The following KIRREL1 variants were observed in gnomAD, a reference collection of about 807,000 sequenced individuals.
KIRREL1 encodes kirre like nephrin family adhesion molecule 1.
KIRREL1 carries 25 observed loss-of-function variants against 83.3 expected under a neutral mutation model. The observed-to-expected ratio is 0.30, with a 90% confidence interval of 0.22 to 0.42. The LOEUF (loss-of-function observed/expected upper bound fraction) is 0.42, where lower values mean the gene tolerates loss of function less well. Among genes scored for constraint, KIRREL1 ranks in the 10% least tolerant of loss-of-function variants. The pLI is 1.00. For missense variants in KIRREL1, 812 were observed against 1,032.3 expected, an observed-to-expected ratio of 0.79 and a Z score of 2.92; for synonymous variants, 388 against 410.4, an observed-to-expected ratio of 0.95 and a Z score of 0.66.
intron 1 of KIRREL1, among the ~76,000 whole-genome samples, chr1:158,053,208 A>G (rs1660954726): frequency 6.6e-6 from 1 of 152,238 alleles, no homozygotes; most frequent in South Asian, 2.1e-4. Context: ...CCTTGAGAGC[A>G]GGAGGCATGT....
chr1:158,088,711 C>T (rs1570997797), intron 8 of KIRREL1, among the ~76,000 whole-genome samples: 1 of 151,930 alleles, frequency 6.6e-6, no homozygotes, highest in East Asian at 1.9e-4. Flanking sequence ...GTCTCGATCT[C>T]CTGACCTCGT....
chr1:158,044,639 C>T (rs55712095), intron 1 of KIRREL1, among the ~76,000 whole-genome samples: 6,763 of 152,194 alleles, frequency 0.044, 209 homozygotes, highest in Non-Finnish European at 0.07. Context: ...AATAGGATTA[C>T]AGGCATGCGC....
At chr1:158,045,603 C>T (rs774535861) in intron 1 of KIRREL1, among the ~76,000 whole-genome samples, 4 of 152,236 alleles carry the variant, frequency 2.6e-5, no homozygotes, top group Non-Finnish European at 5.9e-5. Flanking sequence ...GGAATCAAGA[C>T]GTTTCACCCA....
chr1:158,054,988 C>A (rs1661013133), intron 1 of KIRREL1, among the ~76,000 whole-genome samples: 1 of 152,134 alleles, frequency 6.6e-6, no homozygotes, highest in Admixed American at 6.5e-5. Flanking sequence ...TCTTCAGACT[C>A]ATTTCTTTGG....
chr1:158,079,865 G>A (rs1213197317), intron 3 of KIRREL1, among the ~76,000 whole-genome samples: 2 of 152,236 alleles, frequency 1.3e-5, no homozygotes, highest in Admixed American at 6.5e-5. Flanking sequence ...CTTGTAAACT[G>A]TGAAGGTCTG....
At chr1:158,066,705 A>G (rs1199244034) in intron 1 of KIRREL1, among the ~76,000 whole-genome samples, 1 of 152,040 alleles carries the variant, frequency 6.6e-6, no homozygotes, top group African/African-American at 2.4e-5. Context: ...TTCCCACCCC[A>G]GCTTCTGGTG....
chr1:158,099,716 T>G lies in KIRREL1; in HGVS notation c.*4596T>G, dbSNP rs143887430. 1 of 152,118 alleles carries G rather than the reference T, an allele frequency of 6.6e-6. No homozygotes were observed. The highest frequency in any genetic ancestry group is 1.5e-5 in the Non-Finnish European group (1 of 68,056). The allele number at this position is 152,118 out of a possible 1,614,324, so 9.4% of individuals were successfully genotyped here. ...GCCAGTCTGCTGTCCCTACCCTGGT[T>G]TTTTGCTGGCCCCAACCACTGGCCT... On this transcript the variant is annotated 3_prime_UTR_variant, in exon 15 of 15. Transcript: ENST00000359209.
intron 1 of KIRREL1, among the ~76,000 whole-genome samples, chr1:158,037,070 C>G (rs1320656275): frequency 6.6e-6 from 1 of 152,216 alleles, no homozygotes; most frequent in East Asian, 1.9e-4. Flanking sequence ...CCAGAGGCTG[C>G]TGTGGGCCCA....
rs143074924 is a variant in KIRREL1 at position 158,045,119 on chromosome 1, G to A, written c.53-30994G>A. Reference sequence around the variant, plus strand: ...GTCCTGAGGGGAAAATGCACCTGGTGTGTTTGAGGAAAAGCCAGTGTGGAT... The same window carrying A: ...GTCCTGAGGGGAAAATGCACCTGGTATGTTTGAGGAAAAGCCAGTGTGGAT... On this transcript the variant is annotated intron_variant, in intron 1 of 14. Transcript: ENST00000359209. 5.5e-3 allele frequency among the ~76,000 whole-genome samples: 839 copies of A among 152,326 alleles called. 10 individuals are homozygous for A. The highest frequency in any genetic ancestry group is 0.019 in the African/African-American group (794 of 41,566).
intron 1 of KIRREL1, among the ~76,000 whole-genome samples, chr1:158,066,257 G>C (rs114748411): frequency 0.038 from 5,678 of 150,626 alleles, 108 homozygotes; most frequent in Middle Eastern, 0.096. Context: ...CGACCATCAA[G>C]GCCTTTCCTA....
At chr1:158,056,444 G>A (rs1661060850) in intron 1 of KIRREL1, among the ~76,000 whole-genome samples, 2 of 152,334 alleles carry the variant, frequency 1.3e-5, no homozygotes, top group Non-Finnish European at 1.5e-5. Context: ...AGGGGTGAGG[G>A]AGCAGGCCAA....
rs571938567 is a variant in KIRREL1 at position 158,098,898 on chromosome 1, C to T, written c.*3778C>T. The stretch of plus-strand genomic sequence containing the variant: ...ACGTCGCACTGGAGTTTCGTGCCCT[C>T]TCGTTAACCTGTCAGGAGCCACAGG... On this transcript the variant is annotated 3_prime_UTR_variant, in exon 15 of 15. Transcript: ENST00000359209. The T allele has an allele frequency of 6.6e-6, 1 of 152,350 alleles. No individual in the cohort carries two copies. The highest frequency in any genetic ancestry group is 2.4e-5 in the African/African-American group (1 of 41,566). The allele number at this position is 152,350 out of a possible 1,614,324, so 9.4% of individuals were successfully genotyped here.
chr1:158,075,135 C>T (rs1479289863), intron 1 of KIRREL1, among the ~76,000 whole-genome samples: 1 of 152,194 alleles, frequency 6.6e-6, no homozygotes, highest in Non-Finnish European at 1.5e-5. Flanking sequence ...CTAGGCCTGC[C>T]CCACCACTGG....
At chr1:158,064,283 T>C (rs995867957) in intron 1 of KIRREL1, among the ~76,000 whole-genome samples, 2 of 152,234 alleles carry the variant, frequency 1.3e-5, no homozygotes, top group Middle Eastern at 3.2e-3. Flanking sequence ...TTTGGCGTCA[T>C]GGTTAACTGC....
chr1:158,016,784 T>G (rs762291873), intron 1 of KIRREL1, among the ~76,000 whole-genome samples: 1 of 152,124 alleles, frequency 6.6e-6, no homozygotes, highest in Non-Finnish European at 1.5e-5. Flanking sequence ...CTGACAGCAT[T>G]TCGTTGGATC....
At chr1:158,092,345 CTTTTT>C (rs11430850) in intron 11 of KIRREL1, among the ~76,000 whole-genome samples, 2 of 110,936 alleles carry the variant, frequency 1.8e-5, no homozygotes, top group South Asian at 3.2e-4. Flanking sequence ...TCACTTCAGT[CTTTTT>C]TTTTTTTTTT....
At chr1:158,091,582 T>C (rs1233831174) in intron 11 of KIRREL1, 26 bp downstream of exon 11, 1 of 1,609,856 alleles carries the variant, frequency 6.2e-7, no homozygotes, top group South Asian at 1.1e-5. Context: ...GCCTGCCAGC[T>C]GGGGTGCAGA....
intron 1 of KIRREL1, among the ~76,000 whole-genome samples, chr1:158,004,960 A>G (rs1322264054): frequency 6.6e-6 from 1 of 152,166 alleles, no homozygotes; most frequent in African/African-American, 2.4e-5. Flanking sequence ...AAATAAATTA[A>G]TTTTAAAAAC....
intron 10 of KIRREL1, among the ~76,000 whole-genome samples, chr1:158,090,597 C>T (rs922538367): frequency 1.3e-5 from 2 of 152,158 alleles, no homozygotes; most frequent in Non-Finnish European, 2.9e-5. Flanking sequence ...CGGCTGCTCC[C>T]CCTCCCTTAG....
Sources: allele counts gnomAD v4.1 joint callset (sites outside exome capture counted in the v4.1 genomes callset), GRCh38; gene constraint gnomAD v4.1.1; transcripts MANE v1.5; gene names NCBI Gene and HGNC (gene_info 2026-07-23, HGNC 2026-07-21).